Variants in SNX30 observed in about 807,000 individuals in gnomAD.
The protein encoded by SNX30 is sorting nexin family member 30, also known as sorting nexin-30.
SNX30 carries 24 observed loss-of-function variants against 46.4 expected under a neutral mutation model. The observed-to-expected ratio is 0.52, with a 90% CI of 0.37 to 0.73. The LOEUF (loss-of-function observed/expected upper bound fraction) is 0.73. SNX30 is among the 30% of genes least tolerant of loss of function. SNX30 has a pLI of 0.00. For missense variants in SNX30, 533 were observed against 555.7 expected (o/e 0.96, Z 0.41); for synonymous variants, 189 against 211.5 (o/e 0.89, Z 0.92).
intron 6 of SNX30, among the ~76,000 whole-genome samples, chr9:112,844,895 G>A (rs935428949): frequency 6.6e-6 from 1 of 152,186 alleles, no homozygotes; most frequent in Admixed American, 6.5e-5. Flanking sequence ...CCGGGAACGC[G>A]AACAGTTGGT....
At chr9:112,783,561 A>G (rs941525353) in intron 1 of SNX30, among the ~76,000 whole-genome samples, 10 of 151,988 alleles carry the variant, frequency 6.6e-5, no homozygotes, top group Non-Finnish European at 1.0e-4. Flanking sequence ...TTTGCTTTCT[A>G]TTTTGGGGTT....
At chr9:112,839,560 A>C (rs892380631) in intron 6 of SNX30, among the ~76,000 whole-genome samples, 2 of 152,204 alleles carry the variant, frequency 1.3e-5, no homozygotes, top group Non-Finnish European at 2.9e-5. Flanking sequence ...CCCACACTGG[A>C]AACTTCCCCG....
rs148828473 is a variant in SNX30 at position 112,815,670 on chromosome 9, G to A, written c.349-2035G>A. On this transcript the variant is annotated intron_variant, in intron 2 of 8. Coordinates refer to ENST00000374232, the MANE Select transcript of SNX30 (RefSeq NM_001012994.2). ...GCCACTGCGCCCAGCCAATAATCGT[G>A]TAACATTTAAGAAGGCAAAAAGTAG... is the stretch of plus-strand genomic sequence containing the variant. 6.8e-4 allele frequency among the ~76,000 whole-genome samples: 103 copies of A among 152,282 alleles called. 1 individual carries two copies. In the East Asian group the frequency reaches 0.016, roughly 24 times the overall value.
intron 1 of SNX30, among the ~76,000 whole-genome samples, chr9:112,790,889 A>G (rs932719518): frequency 2.6e-5 from 4 of 152,226 alleles, no homozygotes; most frequent in African/African-American, 7.2e-5. Context: ...AGATCACTGT[A>G]TGAGTTCAAG....
intron 2 of SNX30, among the ~76,000 whole-genome samples, chr9:112,809,070 C>T (rs1460372550): frequency 6.8e-6 from 1 of 148,146 alleles, no homozygotes; most frequent in African/African-American, 2.5e-5. Flanking sequence ...ATAATCTTGC[C>T]CAAAAGACAT....
chr9:112,770,046 G>A (rs922908363), intron 1 of SNX30, among the ~76,000 whole-genome samples: 2 of 152,062 alleles, frequency 1.3e-5, no homozygotes, highest in South Asian at 2.1e-4. Context: ...TGTACCAGCC[G>A]CCTGACTCGT....
downstream of SNX30, among the ~76,000 whole-genome samples, chr9:112,884,246 G>C (rs889904794): frequency 5.3e-5 from 8 of 152,228 alleles, no homozygotes; most frequent in Admixed American, 5.2e-4. Flanking sequence ...CATCGAGGAA[G>C]GGGATGCTGA....
At chr9:112,857,307 A>G (rs1475293) in intron 7 of SNX30, among the ~76,000 whole-genome samples, 133,124 of 152,258 alleles carry the variant, frequency 0.87, 58,410 homozygotes, top group South Asian at 0.91. Flanking sequence ...CTGACTTTCT[A>G]TTTGCCCAAT....
chr9:112,795,100 T>C (rs1463704211), intron 1 of SNX30, among the ~76,000 whole-genome samples: 6 of 152,204 alleles, frequency 3.9e-5, no homozygotes, highest in Admixed American at 3.9e-4. Context: ...TTAGCAATTA[T>C]TGTGTGTCTG....
chr9:112,852,900 T>C (rs966624469), intron 7 of SNX30, among the ~76,000 whole-genome samples: 1 of 152,174 alleles, frequency 6.6e-6, no homozygotes, highest in Non-Finnish European at 1.5e-5. Context: ...AAGACATACC[T>C]GGAAAGGAAC....
chr9:112,844,310 A>G (rs1348572923), intron 6 of SNX30, among the ~76,000 whole-genome samples: 2 of 152,172 alleles, frequency 1.3e-5, no homozygotes, highest in Non-Finnish European at 2.9e-5. Flanking sequence ...GGAGTCCACT[A>G]TTTTGGGCAT....
chr9:112,856,875 C>T (rs1279165899), intron 7 of SNX30: 1 of 152,502 alleles, frequency 6.6e-6, no homozygotes, highest in Non-Finnish European at 1.5e-5. Flanking sequence ...CCCATCCCCT[C>T]AGCTGACTTA....
intron 1 of SNX30, among the ~76,000 whole-genome samples, chr9:112,795,256 TACTA>T (rs1564272046): frequency 6.6e-6 from 1 of 152,234 alleles, no homozygotes; most frequent in South Asian, 2.1e-4. Context: ...TGCTTCCATA[TACTA>T]ACTAACTCAA....
chr9:112,783,123 T>A, intron 1 of SNX30, among the ~76,000 whole-genome samples: 1 of 152,226 alleles, frequency 6.6e-6, no homozygotes, highest in Non-Finnish European at 1.5e-5. Context: ...CTTCTCCAGA[T>A]GCCACAGATG....
chr9:112,785,855 A>C (rs1839916110), intron 1 of SNX30, among the ~76,000 whole-genome samples: 1 of 152,158 alleles, frequency 6.6e-6, no homozygotes. Flanking sequence ...GTCTAACAAC[A>C]CTATACCTAG....
intron 7 of SNX30, among the ~76,000 whole-genome samples, chr9:112,851,215 T>C (rs1181951528): frequency 6.6e-6 from 1 of 152,222 alleles, no homozygotes; most frequent in East Asian, 1.9e-4. Context: ...CCTTGCTCCA[T>C]AAAATGGCAT....
Position 112,753,885 on chromosome 9 carries a change from A to G in SNX30, c.156+2728A>G, listed in dbSNP as rs114305559. On this transcript the variant is annotated intron_variant, in intron 1 of 8. Transcript: ENST00000374232. ...ACTCTGAAGAAATTTCTGTAGAGAG[A>G]AGCTAGCAAGCCACAGAGGTGAGTC... 3.5e-3 allele frequency among the ~76,000 whole-genome samples: 531 copies of G among 152,334 alleles called. 4 individuals carry two copies. The highest frequency in any genetic ancestry group is 0.013 in the African/African-American group (520 of 41,580).
At chr9:112,834,159 C>T (rs1488738558) in intron 4 of SNX30, among the ~76,000 whole-genome samples, 4 of 7,978 alleles carry the variant, frequency 5.0e-4, no homozygotes, top group African/African-American at 6.4e-4. Flanking sequence ...GACCAAATTG[C>T]GGGGTGGGGG....
intron 7 of SNX30, among the ~76,000 whole-genome samples, chr9:112,863,324 G>A (rs75321976): frequency 1.4e-4 from 22 of 152,326 alleles, no homozygotes; most frequent in Non-Finnish European, 2.5e-4. Context: ...TGGCAGGTCG[G>A]GGGTTTGACC....
Sources: allele counts gnomAD v4.1 joint callset (sites outside exome capture counted in the v4.1 genomes callset), GRCh38; gene constraint gnomAD v4.1.1; transcripts MANE v1.5; gene names NCBI Gene and HGNC (gene_info 2026-07-23, HGNC 2026-07-21).